Variants in EVC2 observed in about 807,000 individuals in gnomAD.
The protein encoded by EVC2 is limbin.
In EVC2, 148 loss-of-function variants were observed where a neutral mutation model predicts 149.3. That is an observed-to-expected ratio of 0.99 (90% CI 0.87 to 1.14). The LOEUF (loss-of-function observed/expected upper bound fraction) is 1.14. Among genes scored for constraint, EVC2 ranks in the 50% most tolerant of loss-of-function variants. The pLI is 0.00. For missense variants in EVC2, 1,854 were observed against 1,627.3 expected (o/e 1.14, Z -2.40); for synonymous variants, 776 against 649.9 (o/e 1.19, Z -2.95).
intron 9 of EVC2, among the ~76,000 whole-genome samples, chr4:5,650,626 T>TAGAGAGAGAGAGAGAG (rs1560195927): frequency 1.2e-5 from 1 of 83,266 alleles, no homozygotes; most frequent in Admixed American, 1.4e-4. Context: ...TATATATATA[T>TAGAGAGAGAGAGAGAG]ATATATATAT....
At chr4:5,591,794 A>G (rs1447129737) in intron 16 of EVC2, among the ~76,000 whole-genome samples, 2 of 152,208 alleles carry the variant, frequency 1.3e-5, no homozygotes, top group Admixed American at 1.3e-4. Flanking sequence ...ACAGATTTGC[A>G]TTTCTATGAG....
the EVC2 span, among the ~76,000 whole-genome samples, chr4:5,537,760 C>T: frequency 6.6e-6 from 1 of 152,070 alleles, no homozygotes; most frequent in Admixed American, 6.5e-5. Flanking sequence ...CCGGAACTGA[C>T]ATTATTGAAA....
intron 16 of EVC2, among the ~76,000 whole-genome samples, chr4:5,594,194 T>C (rs945181609): frequency 4.6e-5 from 7 of 152,202 alleles, no homozygotes; most frequent in African/African-American, 1.2e-4. Context: ...TAAATGTCCC[T>C]GTCTGACAGC....
chr4:5,544,174 C>T (rs1721568217), intron 21 of EVC2, among the ~76,000 whole-genome samples: 1 of 151,636 alleles, frequency 6.6e-6, no homozygotes, highest in East Asian at 1.9e-4. Flanking sequence ...CTGAATTTGA[C>T]AGGGCTTACC....
chr4:5,704,914 T>C (rs1236792382), intron 1 of EVC2, among the ~76,000 whole-genome samples: 1 of 151,998 alleles, frequency 6.6e-6, no homozygotes, highest in African/African-American at 2.4e-5. Flanking sequence ...CTCACTATGT[T>C]TCCCAGGCTG....
At chr4:5,639,098 T>C (rs1717115003) in intron 10 of EVC2, among the ~76,000 whole-genome samples, 1 of 152,064 alleles carries the variant, frequency 6.6e-6, no homozygotes, top group Non-Finnish European at 1.5e-5. Flanking sequence ...CCCTTTTCTT[T>C]ACTGCTCATC....
At chr4:5,617,528 G>A (rs1715351313) in intron 15 of EVC2, among the ~76,000 whole-genome samples, 2 of 152,136 alleles carry the variant, frequency 1.3e-5, no homozygotes, top group South Asian at 4.2e-4. Context: ...AATGGGCCGG[G>A]GAGCTTATTT....
chr4:5,592,828 C>A (rs1159556439), intron 16 of EVC2, among the ~76,000 whole-genome samples: 1 of 152,166 alleles, frequency 6.6e-6, no homozygotes, highest in African/African-American at 2.4e-5. Flanking sequence ...TGTGAACAGC[C>A]CGCCCCAAGG....
At chr4:5,706,096 G>A (rs538070491) in intron 1 of EVC2, among the ~76,000 whole-genome samples, 2 of 151,970 alleles carry the variant, frequency 1.3e-5, no homozygotes, top group South Asian at 4.2e-4. Context: ...CACTTGGGAT[G>A]TTCTCTCCTG....
In EVC2 at chr4:5,584,816, C is replaced by T. The variant is rs145786485; in HGVS notation, c.2864G>A (p.Arg955Gln). 465 of 1,614,168 alleles carry T rather than the reference C, an allele frequency of 2.9e-4. No homozygotes were observed. Among genetic ancestry groups the T allele is most frequent in the East Asian group, 4.7e-4 (21 of 44,864 alleles). ...RGELLRERVQRMEAQEGGFAQ... is the reference protein window; with the variant it reads ...RGELLRERVQQMEAQEGGFAQ... ...AAAGCCTCCCTCCTGTGCCTCCATC[C>T]GCTGCACTCTCTCCCGCAGCAATTC... Residue 955 changes from arginine (R) to glutamine (Q), a missense_variant, in exon 17 of 22, where the codon CGG (arginine) becomes CAG (glutamine). Arg to Gln is a conservative substitution (Grantham distance 43). Transcript: ENST00000344408.
chr4:5,682,468 T>C (rs1275729192), intron 6 of EVC2, among the ~76,000 whole-genome samples: 2 of 146,238 alleles, frequency 1.4e-5, no homozygotes, highest in South Asian at 2.2e-4. Flanking sequence ...CCAGCCTGGG[T>C]GACAAGAGTG....
Position 5,599,039 on chromosome 4 carries a change from T to C in EVC2, c.2830-14189A>G, listed in dbSNP as rs533220092. Among the ~76,000 whole-genome samples, 12 of 152,096 alleles carry C rather than the reference T, an allele frequency of 7.9e-5. No individual in the cohort carries two copies. The East Asian group carries it at 1.3e-3, about 17-fold the overall frequency. On this transcript the variant is annotated intron_variant, in intron 16 of 21. Transcript: ENST00000344408. ...AAATGAGATACCATCTCACACCAGTTAGAATGGCAATCATTAAAAAGTCAG... is the reference window on the plus strand; with the variant it reads ...AAATGAGATACCATCTCACACCAGTCAGAATGGCAATCATTAAAAAGTCAG...
At chr4:5,554,896 TTAATTCAAATGCACTATA>T (rs2108761115) in intron 21 of EVC2, among the ~76,000 whole-genome samples, 1 of 152,352 alleles carries the variant, frequency 6.6e-6, no homozygotes, top group South Asian at 2.1e-4. Flanking sequence ...GGAAATGTAT[TTAATTCAAATGCACTATA>T]TGGCTCAGCT....
the EVC2 span, among the ~76,000 whole-genome samples, chr4:5,533,031 TC>T: frequency 5.3e-5 from 8 of 150,670 alleles, no homozygotes; most frequent in East Asian, 7.8e-4. Context: ...TGTGCCTGCA[TC>T]CTAGATGCTA....
At chr4:5,591,613 T>C (rs1712806781) in intron 16 of EVC2, among the ~76,000 whole-genome samples, 1 of 152,218 alleles carries the variant, frequency 6.6e-6, no homozygotes, top group Admixed American at 6.5e-5. Flanking sequence ...GTAAAGCCTT[T>C]TGTATATACT....
chr4:5,674,914 TC>T (rs1318401671), intron 7 of EVC2, among the ~76,000 whole-genome samples: 2 of 152,140 alleles, frequency 1.3e-5, no homozygotes, highest in Non-Finnish European at 2.9e-5. Context: ...AGGGCAATGG[TC>T]AGTGGGCTTC....
chr4:5,587,975 T>C (rs1712443906), intron 16 of EVC2, among the ~76,000 whole-genome samples: 10 of 152,250 alleles, frequency 6.6e-5, no homozygotes, highest in Admixed American at 4.6e-4. Context: ...GAGGCAGAAA[T>C]TGGGCATAAG....
At chr4:5,603,983 G>A (rs1043258890) in intron 16 of EVC2, among the ~76,000 whole-genome samples, 1 of 152,174 alleles carries the variant, frequency 6.6e-6, no homozygotes, top group African/African-American at 2.4e-5. Context: ...GATGGACATG[G>A]AGAGGCCTGT....
At chr4:5,543,642 CAGA>C (rs1432299754) in intron 21 of EVC2, among the ~76,000 whole-genome samples, 1 of 152,096 alleles carries the variant, frequency 6.6e-6, no homozygotes, top group African/African-American at 2.4e-5. Context: ...GAGTGTGTTC[CAGA>C]AGGAGTTCCA....
Sources: allele counts gnomAD v4.1 joint callset (sites outside exome capture counted in the v4.1 genomes callset), GRCh38; gene constraint gnomAD v4.1.1; transcripts MANE v1.5; gene names NCBI Gene and HGNC (gene_info 2026-07-23, HGNC 2026-07-21).